Variants in PTPN14 observed in about 807,000 individuals in gnomAD.
The protein encoded by PTPN14 is tyrosine-protein phosphatase non-receptor type 14.
PTPN14 carries 53 observed loss-of-function variants against 126.8 expected under a neutral mutation model. The ratio of observed to expected loss-of-function variants is 0.42; its 90% confidence interval spans 0.34 to 0.53. The LOEUF (loss-of-function observed/expected upper bound fraction) is 0.53. Ranked by LOEUF, PTPN14 falls within the 20% of genes least tolerant of loss-of-function variation. The pLI is 0.08. For missense variants in PTPN14, 1,257 were observed against 1,552.9 expected (o/e 0.81, Z 3.20); for synonymous variants, 630 against 599.3 (o/e 1.05, Z -0.75).
At chr1:214,540,826 A>G (rs1655816828) in intron 1 of PTPN14, among the ~76,000 whole-genome samples, 1 of 152,258 alleles carries the variant, frequency 6.6e-6, no homozygotes, top group African/African-American at 2.4e-5. Flanking sequence ...GAGCTAGGAA[A>G]TCCATGTGTA....
chr1:214,546,698 C>T (rs1271799282), intron 1 of PTPN14, among the ~76,000 whole-genome samples: 1 of 152,148 alleles, frequency 6.6e-6, no homozygotes, highest in African/African-American at 2.4e-5. Flanking sequence ...AAAGCATTTA[C>T]GGGATGGCCA....
chr1:214,366,026 G>T (rs182549347), intron 17 of PTPN14, among the ~76,000 whole-genome samples: 1 of 152,152 alleles, frequency 6.6e-6, no homozygotes, highest in African/African-American at 2.4e-5. Flanking sequence ...TCAGTCGGAT[G>T]TGGTGGCACG....
intron 1 of PTPN14, among the ~76,000 whole-genome samples, chr1:214,484,064 G>A (rs1661060225): frequency 6.6e-6 from 1 of 152,224 alleles, no homozygotes; most frequent in African/African-American, 2.4e-5. Context: ...AAATATAGGT[G>A]TATTTAGTTC....
intron 5 of PTPN14, among the ~76,000 whole-genome samples, chr1:214,405,052 A>T (rs948800681): frequency 1.6e-4 from 25 of 152,132 alleles, no homozygotes; most frequent in African/African-American, 6.0e-4. Context: ...CCAGGCCGAC[A>T]CCTCTTCTAA....
intron 1 of PTPN14, among the ~76,000 whole-genome samples, chr1:214,535,207 A>G (rs1381246120): frequency 1.3e-5 from 2 of 152,174 alleles, no homozygotes; most frequent in Non-Finnish European, 2.9e-5. Flanking sequence ...CTACATCTAT[A>G]TCGCCACATC....
chr1:214,520,791 C>T (rs1655236091), intron 1 of PTPN14, among the ~76,000 whole-genome samples: 1 of 152,068 alleles, frequency 6.6e-6, no homozygotes, highest in South Asian at 2.1e-4. Flanking sequence ...AAATACAAAA[C>T]ATTTCACCAG....
intron 2 of PTPN14, among the ~76,000 whole-genome samples, chr1:214,455,502 T>C (rs1660362420): frequency 6.6e-6 from 1 of 152,158 alleles, no homozygotes; most frequent in Non-Finnish European, 1.5e-5. Flanking sequence ...ATGAATCCCA[T>C]TTTATTGCTC....
intron 1 of PTPN14, among the ~76,000 whole-genome samples, chr1:214,484,701 G>A (rs1661073411): frequency 6.6e-6 from 1 of 152,168 alleles, no homozygotes; most frequent in Admixed American, 6.5e-5. Context: ...GTTTTGTTTT[G>A]CGAGGGAAAT....
chr1:214,384,178 A>C lies in PTPN14; in HGVS notation c.1677T>G (p.Leu559=), dbSNP rs1001058123. 5 of 1,600,994 alleles carry C rather than the reference A, an allele frequency of 3.1e-6. No individual in the cohort carries two copies. In the African/African-American group the frequency reaches 6.7e-5, roughly 21 times the overall value. ...GSHNYSTAHM[L]KNYLFRPPPP... is the part of the protein sequence containing the mutation. ...GCGGTGGCCTGAAGAGATAGTTCTTAAGCATGTGGGCCGTGCTGTAGTTAT... is the reference window on the plus strand; with the variant it reads ...GCGGTGGCCTGAAGAGATAGTTCTTCAGCATGTGGGCCGTGCTGTAGTTAT... Residue 559 remains leucine, a synonymous_variant, in exon 13 of 19, where the codon CTT becomes CTG. Coordinates refer to ENST00000366956, the MANE Select transcript of PTPN14 (RefSeq NM_005401.5). The surrounding 1 kb of genome is among the most constrained non-coding windows in gnomAD (Gnocchi z 5.3).
At chr1:214,512,250 C>T (rs1197114852) in intron 1 of PTPN14, among the ~76,000 whole-genome samples, 1 of 152,174 alleles carries the variant, frequency 6.6e-6, no homozygotes, top group African/African-American at 2.4e-5. Flanking sequence ...CCAGTCTTAG[C>T]TGCTCACCCT....
chr1:214,449,069 C>A, intron 3 of PTPN14, among the ~76,000 whole-genome samples: 1 of 132,814 alleles, frequency 7.5e-6, no homozygotes, highest in Admixed American at 8.8e-5. Flanking sequence ...TGCAGTGGCG[C>A]TATCCCGGCT....
intron 3 of PTPN14, among the ~76,000 whole-genome samples, chr1:214,416,550 C>A (rs542305669): frequency 2.0e-5 from 3 of 152,298 alleles, no homozygotes; most frequent in African/African-American, 7.2e-5. Flanking sequence ...TCACAATCCA[C>A]TAGCAAGGAA....
intron 5 of PTPN14, among the ~76,000 whole-genome samples, chr1:214,406,654 A>T (rs1659178830): frequency 6.6e-6 from 1 of 152,168 alleles, no homozygotes; most frequent in Non-Finnish European, 1.5e-5. Flanking sequence ...CTGTCTGTCC[A>T]ATGATGAGAT....
At chr1:214,466,901 C>T (rs1341752332) in intron 1 of PTPN14, among the ~76,000 whole-genome samples, 3 of 152,110 alleles carry the variant, frequency 2.0e-5, no homozygotes, top group African/African-American at 4.8e-5. Context: ...GTACTCATGC[C>T]TCATGGAGGT....
At chr1:214,443,899 A>G (rs1660088671) in intron 3 of PTPN14, among the ~76,000 whole-genome samples, 1 of 152,228 alleles carries the variant, frequency 6.6e-6, no homozygotes, top group Non-Finnish European at 1.5e-5. Flanking sequence ...TGTAGACGTT[A>G]AAGACAAATT....
At chr1:214,436,421 C>A (rs771892407) in intron 3 of PTPN14, among the ~76,000 whole-genome samples, 4 of 152,100 alleles carry the variant, frequency 2.6e-5, no homozygotes, top group Non-Finnish European at 5.9e-5. Flanking sequence ...ATACAGTTTT[C>A]TTTTACCTGC....
At chr1:214,387,674 CAA>C (rs67415818) in intron 11 of PTPN14, among the ~76,000 whole-genome samples, 46 of 85,312 alleles carry the variant, frequency 5.4e-4, no homozygotes, top group Admixed American at 5.7e-4. Flanking sequence ...AAGACTCCGT[CAA>C]AAAAAAAAAA....
intron 1 of PTPN14, among the ~76,000 whole-genome samples, chr1:214,521,890 GTTGTT>G (rs755376257): frequency 7.3e-6 from 1 of 136,868 alleles, no homozygotes; most frequent in Non-Finnish European, 1.6e-5. Context: ...TAAGATTTTT[GTTGTT>G]TTTTTTTTTA....
In PTPN14 at chr1:214,402,630, T is replaced by G. The variant is rs568394689; in HGVS notation, c.581+253A>C. Among the ~76,000 whole-genome samples, 93 of 31,360 alleles carry G rather than the reference T, an allele frequency of 3.0e-3. 1 individual carries two copies. The highest frequency in any genetic ancestry group is 4.2e-3 in the Non-Finnish European group (71 of 16,726). The allele number at this position is 31,360 out of a possible 152,430, so 20.6% of individuals were successfully genotyped here. ...GCTGTCTCAGGCTTCCCAGATTCTCTAAGGAAGGAAGGAAGGAAGGAAGGA... is the reference window on the plus strand; with the variant it reads ...GCTGTCTCAGGCTTCCCAGATTCTCGAAGGAAGGAAGGAAGGAAGGAAGGA... On this transcript the variant is annotated intron_variant, in intron 6 of 18. Transcript: ENST00000366956.
Sources: allele counts gnomAD v4.1 joint callset (sites outside exome capture counted in the v4.1 genomes callset), GRCh38; gene constraint gnomAD v4.1.1; non-coding constraint Gnocchi (gnomAD v3.1); transcripts MANE v1.5; gene names NCBI Gene and HGNC (gene_info 2026-07-23, HGNC 2026-07-21).